R3HDM1: variants seen among roughly 807,000 people sequenced by gnomAD.
The protein encoded by R3HDM1 is R3H domain-containing protein 1.
In R3HDM1, 46 loss-of-function variants were observed where a neutral mutation model predicts 141.1. The observed-to-expected ratio is 0.33, with a 90% CI of 0.26 to 0.42. The LOEUF is 0.42. Among genes scored for constraint, R3HDM1 ranks in the 10% least tolerant of loss-of-function variants. R3HDM1 has a pLI of 1.00. For missense variants in R3HDM1, 1,184 were observed against 1,368.3 expected (o/e 0.87, Z 2.12); for synonymous variants, 435 against 472.9 (o/e 0.92, Z 1.04).
At chr2:135,539,218 G>A (rs959613597) in intron 1 of R3HDM1, among the ~76,000 whole-genome samples, 2 of 151,960 alleles carry the variant, frequency 1.3e-5, no homozygotes, top group East Asian at 3.9e-4. Context: ...CTAAAATAAT[G>A]ATAAGAAGTG....
intron 19 of R3HDM1, among the ~76,000 whole-genome samples, chr2:135,664,245 A>G (rs955762112): frequency 6.6e-6 from 1 of 152,072 alleles, no homozygotes; most frequent in South Asian, 2.1e-4. Flanking sequence ...TTACCTCTCT[A>G]CATTCTACTA....
At chr2:135,559,141 T>G in intron 1 of R3HDM1, 1 of 745,010 alleles carries the variant, frequency 1.3e-6, no homozygotes, top group Non-Finnish European at 1.6e-6. Flanking sequence ...AGACAGGGCC[T>G]CGCTTGGTCT....
intron 3 of R3HDM1, among the ~76,000 whole-genome samples, chr2:135,611,173 G>A (rs1443987355): frequency 6.6e-6 from 1 of 151,414 alleles, no homozygotes; most frequent in Non-Finnish European, 1.5e-5. Flanking sequence ...TGTAATCCCA[G>A]CACGTTGGGA....
chr2:135,723,781 A>C (rs1463167562), intron 26 of R3HDM1, among the ~76,000 whole-genome samples, 156 bp from the exon 27 acceptor site: 1 of 108,042 alleles, frequency 9.3e-6, no homozygotes, highest in Non-Finnish European at 1.9e-5. Flanking sequence ...CATCTCCCAA[A>C]AAAAAAAAAA....
At chr2:135,590,440 C>G (rs1406749957) in intron 1 of R3HDM1, 3 of 584,634 alleles carry the variant, frequency 5.1e-6, no homozygotes, top group Non-Finnish European at 6.5e-6. Flanking sequence ...CCCTTGAGCT[C>G]CAATGAGACA....
At chr2:135,629,516 T>C (rs1218524101) in intron 7 of R3HDM1, among the ~76,000 whole-genome samples, 1 of 152,204 alleles carries the variant, frequency 6.6e-6, no homozygotes, top group African/African-American at 2.4e-5. Flanking sequence ...TTGTTGAACC[T>C]TTCTATATAC....
chr2:135,599,295 A>T (rs909628182), intron 1 of R3HDM1, among the ~76,000 whole-genome samples: 9 of 151,800 alleles, frequency 5.9e-5, no homozygotes, highest in Non-Finnish European at 1.3e-4. Context: ...TTTTTTTTTG[A>T]AGTTGAATAT....
chr2:135,629,176 G>T (rs2062378420), intron 7 of R3HDM1, among the ~76,000 whole-genome samples: 2 of 151,962 alleles, frequency 1.3e-5, no homozygotes, highest in Non-Finnish European at 2.9e-5. Flanking sequence ...AATTTGCCGG[G>T]TGTGGTGGCA....
chr2:135,693,442 G>A (rs2072751850), intron 21 of R3HDM1, among the ~76,000 whole-genome samples: 1 of 152,274 alleles, frequency 6.6e-6, no homozygotes, highest in Admixed American at 6.5e-5. Flanking sequence ...CAACATACAA[G>A]GAGATTTCAA....
intron 24 of R3HDM1, among the ~76,000 whole-genome samples, chr2:135,719,468 ACT>A (rs935125028): frequency 2.6e-5 from 4 of 151,592 alleles, no homozygotes; most frequent in African/African-American, 9.7e-5. Flanking sequence ...ACAGAGCAAG[ACT>A]CTGTCTCAAA....
intron 16 of R3HDM1, among the ~76,000 whole-genome samples, chr2:135,646,552 A>T (rs1574658293): frequency 6.6e-6 from 1 of 151,916 alleles, no homozygotes; most frequent in Non-Finnish European, 1.5e-5. Flanking sequence ...ATTTTGTATG[A>T]AAGAAGTATG....
chr2:135,665,133 G>A (rs2067301307), intron 19 of R3HDM1, among the ~76,000 whole-genome samples: 1 of 152,170 alleles, frequency 6.6e-6, no homozygotes, highest in South Asian at 2.1e-4. Flanking sequence ...CAAAAGATCA[G>A]ATTACTTACC....
At chr2:135,719,868 C>CG (rs1182773216) in intron 24 of R3HDM1, among the ~76,000 whole-genome samples, 2 of 150,868 alleles carry the variant, frequency 1.3e-5, no homozygotes, top group African/African-American at 2.4e-5. Flanking sequence ...TGTTTCGAGA[C>CG]GGAGTCTCGC....
At chr2:135,587,562 AG>A (rs1233453279) in intron 1 of R3HDM1, among the ~76,000 whole-genome samples, 3 of 152,206 alleles carry the variant, frequency 2.0e-5, no homozygotes, top group African/African-American at 7.2e-5. Flanking sequence ...TATTAAAATT[AG>A]GGTCTTCTAT....
chr2:135,652,803 A>G (rs918693130), intron 18 of R3HDM1, among the ~76,000 whole-genome samples: 1 of 152,170 alleles, frequency 6.6e-6, no homozygotes, highest in Admixed American at 6.5e-5. Context: ...TTAAATTACA[A>G]ATTTAATTTC....
chr2:135,639,921 A>G (rs1048040419), intron 14 of R3HDM1, among the ~76,000 whole-genome samples: 1 of 152,110 alleles, frequency 6.6e-6, no homozygotes, highest in South Asian at 2.1e-4. Flanking sequence ...ACATGGCAAA[A>G]CCCCATCTCT....
intron 3 of R3HDM1, 60 bp from the exon 4 acceptor site, chr2:135,616,088 GAATT>G: frequency 1.1e-5 from 16 of 1,502,242 alleles, no homozygotes; most frequent in Non-Finnish European, 2.8e-6. Flanking sequence ...TTAGGACTAT[GAATT>G]AAGAAGCAAA....
At chr2:135,595,588 AAAT>A (rs1319000237) in intron 1 of R3HDM1, among the ~76,000 whole-genome samples, 1 of 152,250 alleles carries the variant, frequency 6.6e-6, no homozygotes, top group Non-Finnish European at 1.5e-5. Context: ...AGTGCTTAGT[AAAT>A]AATAAATAAC....
chr2:135,619,132 G>C (rs1000305461), intron 5 of R3HDM1, among the ~76,000 whole-genome samples: 2 of 151,722 alleles, frequency 1.3e-5, no homozygotes, highest in African/African-American at 4.8e-5. Context: ...TCTTTGTTCT[G>C]TTGACCAAAA....
Sources: gnomAD v4.1 joint callset for allele counts (sites outside exome capture counted in the v4.1 genomes callset) on GRCh38, gnomAD v4.1.1 for gene constraint, MANE v1.5 for transcripts, NCBI Gene and HGNC (gene_info 2026-07-23, HGNC 2026-07-21) for gene names.